Variants in ANKRD11 observed in about 807,000 individuals in gnomAD.
The protein encoded by ANKRD11 is ankyrin repeat domain 11.
Under a neutral mutation model 195.7 loss-of-function variants are expected in ANKRD11, and 17 were observed. The ratio of observed to expected loss-of-function variants is 0.09; its 90% CI spans 0.06 to 0.13. ANKRD11 has a LOEUF of 0.13. Among genes scored for constraint, ANKRD11 ranks in the 10% least tolerant of loss-of-function variants. ANKRD11 has a pLI of 1.00. For missense variants in ANKRD11, 3,735 were observed against 3,566.1 expected (o/e 1.05, Z -1.21); for synonymous variants, 1,953 against 1,528.1 (o/e 1.28, Z -6.49).
intron 2 of ANKRD11, among the ~76,000 whole-genome samples, chr16:89,318,279 TCAC>T (rs979464281): frequency 1.3e-5 from 2 of 152,146 alleles, no homozygotes; most frequent in African/African-American, 4.8e-5. Context: ...CTAGGTTTGT[TCAC>T]CATCACAGCC....
intron 3 of ANKRD11, among the ~76,000 whole-genome samples, chr16:89,307,878 CCA>C (rs2036383736): frequency 6.6e-6 from 1 of 152,272 alleles, no homozygotes; most frequent in Non-Finnish European, 1.5e-5. Flanking sequence ...AGAGAGGCCA[CCA>C]TCACCCTAAT....
intron 2 of ANKRD11, among the ~76,000 whole-genome samples, chr16:89,325,802 T>C (rs1385537436): frequency 1.3e-5 from 2 of 152,140 alleles, no homozygotes; most frequent in Non-Finnish European, 2.9e-5. Context: ...GCCTCAGAGG[T>C]GTCACTGACC....
At chr16:89,421,745 A>C (rs1201072689) in intron 1 of ANKRD11, among the ~76,000 whole-genome samples, 1 of 108,366 alleles carries the variant, frequency 9.2e-6, no homozygotes, top group African/African-American at 3.6e-5. Flanking sequence ...TCGGTGTGTG[A>C]TGACGGAGTC....
intron 1 of ANKRD11, among the ~76,000 whole-genome samples, chr16:89,483,340 C>T (rs891309963): frequency 1.3e-5 from 2 of 152,104 alleles, no homozygotes; most frequent in Non-Finnish European, 2.9e-5. Flanking sequence ...TGGTGAGAAC[C>T]CAAGTTTAGC....
chr16:89,433,794 G>C (rs2043100311), intron 1 of ANKRD11, among the ~76,000 whole-genome samples: 1 of 152,144 alleles, frequency 6.6e-6, no homozygotes, highest in Non-Finnish European at 1.5e-5. Flanking sequence ...AGAAGCAACG[G>C]GCTTGGACGC....
intron 2 of ANKRD11, among the ~76,000 whole-genome samples, chr16:89,391,551 G>A (rs1207902462): frequency 6.6e-6 from 1 of 152,208 alleles, no homozygotes; most frequent in African/African-American, 2.4e-5. Context: ...GCTGTGGCAT[G>A]AGAGCAAAGG....
chr16:89,413,534 A>C (rs189912930), intron 2 of ANKRD11, among the ~76,000 whole-genome samples: 1,816 of 152,312 alleles, frequency 0.012, 53 homozygotes, highest in Admixed American at 0.056. Context: ...CTGAGGCAGG[A>C]GAATGGCGTG....
At chr16:89,466,111 C>T (rs543957689) in intron 1 of ANKRD11, among the ~76,000 whole-genome samples, 2 of 152,274 alleles carry the variant, frequency 1.3e-5, no homozygotes, top group East Asian at 1.9e-4. Context: ...AAGATGCTGG[C>T]AGAACCTGCT....
chr16:89,374,115 G>A (rs2040315211), intron 2 of ANKRD11, among the ~76,000 whole-genome samples: 1 of 152,196 alleles, frequency 6.6e-6, no homozygotes, highest in African/African-American at 2.4e-5. Flanking sequence ...TAGTTTTACT[G>A]GTGATTTTCT....
At chr16:89,486,306 C>T (rs1421865153) in intron 1 of ANKRD11, among the ~76,000 whole-genome samples, 1 of 151,918 alleles carries the variant, frequency 6.6e-6, no homozygotes, top group African/African-American at 2.4e-5. Context: ...CTGGGCACGG[C>T]GGCACATGCC....
chr16:89,405,967 G>A (rs531337306), intron 2 of ANKRD11, among the ~76,000 whole-genome samples: 25 of 152,110 alleles, frequency 1.6e-4, no homozygotes, highest in African/African-American at 4.3e-4. Flanking sequence ...AAAACTTACC[G>A]GGCGTGGTGG....
intron 1 of ANKRD11, among the ~76,000 whole-genome samples, chr16:89,441,566 G>A (rs374364383): frequency 5.9e-5 from 9 of 152,048 alleles, no homozygotes; most frequent in East Asian, 1.9e-4. Context: ...AGCAGATGGA[G>A]ACCATCCTGG....
At chr16:89,314,210 T>C (rs371530382) in intron 3 of ANKRD11, among the ~76,000 whole-genome samples, 5 of 152,012 alleles carry the variant, frequency 3.3e-5, no homozygotes, top group African/African-American at 1.2e-4. Context: ...GCTGAGACTC[T>C]ACCACTGCAC....
chr16:89,280,800 G>A lies in ANKRD11; in HGVS notation c.5742C>T (p.Ser1914=), dbSNP rs760383897. The change falls in exon 9 of 13, where the codon TCC becomes TCT. Residue 1914 remains serine, a synonymous_variant. Transcript: ENST00000301030. The stretch of plus-strand genomic sequence containing the variant: ...TGGCGGCCGTCGCCTGCTGGTCCTC[G>A]GAGGTGTCCAGGTCCGGGGGAAGGG... ...EGALPPDLDT[S]EDQQATAAII... 32 of 1,609,300 alleles carry A rather than the reference G, an allele frequency of 2.0e-5. No individual in the cohort carries two copies. Among genetic ancestry groups the A allele is most frequent in the East Asian group, 6.7e-5 (3 of 44,726 alleles).
At chr16:89,349,861 AACACACACACACACACACACACACAC>A (rs34592614) in intron 2 of ANKRD11, among the ~76,000 whole-genome samples, 4,565 of 133,228 alleles carry the variant, frequency 0.034, 282 homozygotes, top group African/African-American at 0.12. Context: ...TACTTGTTAA[AACACACACACACACACACACACACAC>A]ACACACACAC....
intron 1 of ANKRD11, among the ~76,000 whole-genome samples, chr16:89,477,034 A>G (rs937110354): frequency 2.6e-5 from 4 of 152,254 alleles, no homozygotes; most frequent in Non-Finnish European, 5.9e-5. Context: ...GCATCTATTA[A>G]TAAAAGCAGA....
At chr16:89,434,686 G>T (rs1433906236) in intron 1 of ANKRD11, among the ~76,000 whole-genome samples, 1 of 152,210 alleles carries the variant, frequency 6.6e-6, no homozygotes, top group African/African-American at 2.4e-5. Context: ...TGTGGGATGG[G>T]CAGAGACTCA....
intron 2 of ANKRD11, among the ~76,000 whole-genome samples, chr16:89,387,865 C>T (rs145489653): frequency 0.013 from 1,973 of 151,164 alleles, 41 homozygotes; most frequent in African/African-American, 0.045. Context: ...ATTAGCCAGG[C>T]GTGGTGGTGG....
intron 2 of ANKRD11, among the ~76,000 whole-genome samples, chr16:89,402,061 C>T (rs1306307075): frequency 6.6e-6 from 1 of 151,990 alleles, no homozygotes; most frequent in Non-Finnish European, 1.5e-5. Flanking sequence ...ATCACGGCAG[C>T]CCCGAAAGAC....
Sources: gnomAD v4.1 joint callset for allele counts (sites outside exome capture counted in the v4.1 genomes callset) on GRCh38, gnomAD v4.1.1 for gene constraint, MANE v1.5 for transcripts, NCBI Gene and HGNC (gene_info 2026-07-23, HGNC 2026-07-21) for gene names.